Variants in RORA observed in about 807,000 individuals in gnomAD.
RORA encodes the protein RAR related orphan receptor A.
Under a neutral mutation model 69.5 loss-of-function variants are expected in RORA, and 7 were observed. The ratio of observed to expected loss-of-function variants is 0.10; its 90% CI spans 0.06 to 0.19. RORA has a LOEUF of 0.19. Ranked by LOEUF, RORA falls within the 10% of genes least tolerant of loss-of-function variation. The probability of loss-of-function intolerance (pLI) is 1.00; values close to 1 mark genes in which losing one functional copy is unlikely to be tolerated. For synonymous variants in RORA, 261 were observed against 240.8 expected, an observed-to-expected ratio of 1.08 and a Z score of -0.78; for missense variants, 457 against 663.0, an observed-to-expected ratio of 0.69 and a Z score of 3.41.
At chr15:60,689,750 T>C (rs924106606) in intron 1 of RORA, among the ~76,000 whole-genome samples, 4 of 152,004 alleles carry the variant, frequency 2.6e-5, no homozygotes, top group African/African-American at 9.7e-5. Flanking sequence ...AGACAACACA[T>C]AGAGAAAAAG....
intron 1 of RORA, among the ~76,000 whole-genome samples, chr15:60,884,054 TG>T (rs763736015): frequency 1.3e-5 from 2 of 152,338 alleles, no homozygotes; most frequent in Non-Finnish European, 2.9e-5. Flanking sequence ...TAGCCTCCAG[TG>T]GCCCCCACAG....
chr15:60,514,777 T>C lies in RORA; in HGVS notation c.283-20A>G, dbSNP rs1408048664. ...AAAGCCCTGTGATATGGTTATAAAA[T>C]ATAAAACAGGTTAGTGTCAGAATGA... On this transcript the variant is annotated intron_variant, in intron 3 of 10. Transcript: ENST00000335670. 3.7e-6 allele frequency: 6 copies of C among 1,609,072 alleles called. No individual in the cohort carries two copies. In the African/African-American group the frequency reaches 8.0e-5, roughly 22 times the overall value.
chr15:60,941,021 T>G (rs900751333), intron 1 of RORA, among the ~76,000 whole-genome samples: 16 of 152,228 alleles, frequency 1.1e-4, no homozygotes, highest in African/African-American at 3.6e-4. Flanking sequence ...TTCTCCTATG[T>G]GATAGCAGAC....
At chr15:60,868,809 GA>G (rs1351996076) in intron 1 of RORA, among the ~76,000 whole-genome samples, 1 of 152,116 alleles carries the variant, frequency 6.6e-6, no homozygotes, top group Non-Finnish European at 1.5e-5. Flanking sequence ...TTCCAGGGGG[GA>G]AAAACACTCA....
chr15:60,678,597 G>T, intron 2 of RORA, 60 bp downstream of exon 2: 2 of 1,243,680 alleles, frequency 1.6e-6, no homozygotes, highest in South Asian at 2.4e-5. Flanking sequence ...ACAGCAGCCA[G>T]ACATATGCGA....
intron 2 of RORA, among the ~76,000 whole-genome samples, chr15:60,633,151 T>C (rs2069772814): frequency 6.6e-6 from 1 of 152,230 alleles, no homozygotes; most frequent in Admixed American, 6.5e-5. Context: ...TCTGAGAATA[T>C]GCAGACCAGG....
At chr15:61,169,086 GC>G (rs144674877) in intron 1 of RORA, among the ~76,000 whole-genome samples, 3,581 of 151,192 alleles carry the variant, frequency 0.024, 66 homozygotes, top group African/African-American at 0.056. Context: ...CCCTGCCAGA[GC>G]ATAAGAACAC....
chr15:61,139,713 G>C (rs761838079), intron 1 of RORA, among the ~76,000 whole-genome samples: 2 of 152,192 alleles, frequency 1.3e-5, no homozygotes, highest in Admixed American at 6.5e-5. Context: ...ATGAAATCGA[G>C]AGAGTCGACT....
chr15:60,624,584 C>T (rs1044799789), intron 2 of RORA, among the ~76,000 whole-genome samples: 3 of 145,634 alleles, frequency 2.1e-5, no homozygotes, highest in South Asian at 2.2e-4. Flanking sequence ...ATTATATATA[C>T]ACACACACAC....
intron 2 of RORA, among the ~76,000 whole-genome samples, chr15:60,561,324 G>A (rs1414741628): frequency 2.0e-5 from 3 of 151,632 alleles, no homozygotes; most frequent in Admixed American, 6.6e-5. Context: ...CTCGTGATCC[G>A]CCCGCCTCGG....
chr15:60,500,483 C>T (rs190337461), intron 9 of RORA, among the ~76,000 whole-genome samples: 2 of 152,118 alleles, frequency 1.3e-5, no homozygotes, highest in African/African-American at 4.8e-5. Context: ...CTAAGTCTTC[C>T]AAATAGAAGG....
At chr15:60,797,698 G>C (rs1304355899) in intron 1 of RORA, among the ~76,000 whole-genome samples, 1 of 152,132 alleles carries the variant, frequency 6.6e-6, no homozygotes, top group African/African-American at 2.4e-5. Context: ...TTATAAAGTA[G>C]TGAGCACACC....
At chr15:60,520,670 A>C (rs369606202) in intron 3 of RORA, among the ~76,000 whole-genome samples, 1 of 152,242 alleles carries the variant, frequency 6.6e-6, no homozygotes, top group African/African-American at 2.4e-5. Flanking sequence ...GGTCATACAG[A>C]GAGCAGGGGA....
chr15:60,757,456 T>C (rs7163351), intron 1 of RORA, among the ~76,000 whole-genome samples: 97,868 of 152,004 alleles, frequency 0.64, 31,767 homozygotes, highest in South Asian at 0.69. Context: ...ATTTTCTCTG[T>C]CTCAGGGCCT....
chr15:61,199,609 C>G (rs982361644), intron 1 of RORA, among the ~76,000 whole-genome samples: 1 of 152,152 alleles, frequency 6.6e-6, no homozygotes, highest in Non-Finnish European at 1.5e-5. Context: ...CTGATTTTCT[C>G]CATGCAAAGC....
At chr15:60,957,753 A>G (rs941072523) in intron 1 of RORA, among the ~76,000 whole-genome samples, 1 of 152,214 alleles carries the variant, frequency 6.6e-6, no homozygotes, top group African/African-American at 2.4e-5. Context: ...TATGACAGAA[A>G]AGAGAAGAAC....
At chr15:61,129,761 A>G (rs2079174013) in intron 1 of RORA, among the ~76,000 whole-genome samples, 2 of 152,248 alleles carry the variant, frequency 1.3e-5, no homozygotes, top group Non-Finnish European at 2.9e-5. Context: ...CAATGCTTCC[A>G]TCTCCCTGGT....
At chr15:60,965,915 A>T (rs1893543194) in intron 1 of RORA, among the ~76,000 whole-genome samples, 1 of 152,154 alleles carries the variant, frequency 6.6e-6, no homozygotes, top group Non-Finnish European at 1.5e-5. Context: ...ATATATATGT[A>T]TTAGTTTGCT....
At chr15:60,797,872 C>G (rs2072520350) in intron 1 of RORA, among the ~76,000 whole-genome samples, 1 of 152,194 alleles carries the variant, frequency 6.6e-6, no homozygotes, top group Non-Finnish European at 1.5e-5. Flanking sequence ...CTCACACAAA[C>G]TGGCTCAACT....
Sources: gnomAD v4.1 joint callset for allele counts (sites outside exome capture counted in the v4.1 genomes callset) on GRCh38, gnomAD v4.1.1 for gene constraint, MANE v1.5 for transcripts, NCBI Gene and HGNC (gene_info 2026-07-23, HGNC 2026-07-21) for gene names.